The following POLR3G variants were observed in gnomAD, a reference collection of about 807,000 sequenced individuals.
POLR3G encodes the protein DNA-directed RNA polymerase III subunit RPC7.
POLR3G carries 28 observed loss-of-function variants against 30.1 expected under a neutral mutation model. That is an observed-to-expected ratio of 0.93 (90% CI 0.69 to 1.27). The LOEUF is 1.27. Ranked by LOEUF, POLR3G falls within the 50% of genes most tolerant of loss-of-function variation. The pLI, the probability that POLR3G is intolerant of heterozygous loss-of-function variation, is 0.00. For synonymous variants in POLR3G, 79 were observed against 82.5 expected, an observed-to-expected ratio of 0.96 and a Z score of 0.23; for missense variants, 254 against 264.6, an observed-to-expected ratio of 0.96 and a Z score of 0.28.
At chr5:90,509,825 T>C (rs561976369) in intron 7 of POLR3G, among the ~76,000 whole-genome samples, 1 of 152,228 alleles carries the variant, frequency 6.6e-6, no homozygotes, top group Admixed American at 6.5e-5. Context: ...ATTAAGGACT[T>C]TGAATGTCAA....
rs759375336 is a variant in POLR3G, at chr5:90,485,577, A to C, written c.10A>C (p.Asn4His). 2.0e-5 allele frequency: 32 copies of C among 1,612,766 alleles called. No individual in the cohort carries two copies. The Admixed American group carries it at 4.5e-4, about 23-fold the overall frequency. Reference protein sequence around the residue: MAGNKGRGRAAYTF... With the variant: MAGHKGRGRAAYTF... ...GGTATAACTGGTTCTGATGGCTGGG[A>C]ATAAAGGAAGAGGACGTGCTGCTTA... The change falls in exon 2 of 8, where the codon AAT becomes CAT. Residue 4 changes from asparagine (N) to histidine (H), a missense_variant. Coordinates refer to ENST00000651687, the MANE Select transcript of POLR3G (RefSeq NM_006467.3).
chr5:90,506,084 C>T (rs992027480), intron 6 of POLR3G, among the ~76,000 whole-genome samples: 1 of 151,808 alleles, frequency 6.6e-6, no homozygotes, highest in African/African-American at 2.4e-5. Context: ...AAAAAATTAG[C>T]CAGGCTTGGT....
At chr5:90,474,478 C>T (rs1169793070), upstream of POLR3G, 26 of 605,122 alleles carry the variant, frequency 4.3e-5, no homozygotes, top group Admixed American at 3.7e-4. Flanking sequence ...ACCGACGCTG[C>T]CCGTAGCGTG....
intron 7 of POLR3G, among the ~76,000 whole-genome samples, chr5:90,509,487 T>C (rs575505526): frequency 1.3e-5 from 2 of 152,322 alleles, no homozygotes; most frequent in South Asian, 4.1e-4. Flanking sequence ...TAACAGTTAA[T>C]ATACAGTGAA....
Position 90,506,626 on chromosome 5 carries a change from CGAT to C in POLR3G, c.542_544del (p.Asp181del). ...GTAAAGAAGGTGATGATGACGATGA[CGAT>C]GATGCCGCAGAACAGGAGGAATATG... On this transcript the variant is annotated inframe_deletion, in exon 7 of 8. Transcript: ENST00000651687. The C allele has an allele frequency of 3.1e-6, 5 of 1,612,840 alleles. No homozygotes were observed. The highest frequency in any genetic ancestry group is 4.2e-6 in the Non-Finnish European group (5 of 1,179,312).
chr5:90,511,225 G>C (rs781610279), intron 7 of POLR3G, among the ~76,000 whole-genome samples: 33 of 152,000 alleles, frequency 2.2e-4, no homozygotes, highest in Non-Finnish European at 4.1e-4. Context: ...CAAAAATAAG[G>C]GCTCTTTAAC....
intron 1 of POLR3G, among the ~76,000 whole-genome samples, chr5:90,478,569 C>CTTGTTTTTTTTTTTTTTTTTT (rs1750957361): frequency 1.3e-5 from 1 of 79,334 alleles, no homozygotes; most frequent in Non-Finnish European, 2.3e-5. Context: ...CTGCGTGGTT[C>CTTGTTTTTTTTTTTTTTTTTT]TTTTTTTTTT....
chr5:90,508,529 A>G (rs1752595624), intron 7 of POLR3G, among the ~76,000 whole-genome samples: 1 of 151,526 alleles, frequency 6.6e-6, no homozygotes, highest in African/African-American at 2.4e-5. Flanking sequence ...TGTTGTCCAC[A>G]TTCTCCCTCA....
Position 90,488,058 on chromosome 5 carries a change from CT to C in POLR3G, c.179del (p.Leu60Ter). The C allele has an allele frequency of 6.2e-7, 1 of 1,611,808 alleles. No individual in the cohort carries two copies. Among genetic ancestry groups the C allele is most frequent in the South Asian group, 1.1e-5 (1 of 90,746 alleles). On this transcript the variant is annotated frameshift_variant, in exon 3 of 8. Transcript: ENST00000651687. LOFTEE classifies it high-confidence loss of function. ...GGAGAAGGTGAAGAATATATGCTGGCTTTGAAACAGGAGTTGAGAGAAACAA... is the reference window on the plus strand; with the variant it reads ...GGAGAAGGTGAAGAATATATGCTGGCTTGAAACAGGAGTTGAGAGAAACAA... Reference protein sequence around the residue: ...KTGEGEEYMLALKQELRETMK... With the variant: ...KTGEGEEYMLXLKQELRETMK...
chr5:90,514,399 G>A lies in POLR3G; in HGVS notation c.*2260G>A, dbSNP rs1752872166. ...ATTAAATTCTTACAAAACAAAATGTGTTCGTTTGTTTTATAGTAAGATGTT... is the reference window on the plus strand; with the variant it reads ...ATTAAATTCTTACAAAACAAAATGTATTCGTTTGTTTTATAGTAAGATGTT... On this transcript the variant is annotated 3_prime_UTR_variant, in exon 8 of 8. Transcript: ENST00000651687. 6.6e-6 allele frequency: 1 copy of A among 152,130 alleles called. No individual in the cohort carries two copies. The highest frequency in any genetic ancestry group is 1.5e-5 in the Non-Finnish European group (1 of 68,014). 9.4% of individuals were successfully genotyped at this position (152,130 alleles called of 1,614,324 possible).
chr5:90,509,895 G>A (rs1476206187), intron 7 of POLR3G, among the ~76,000 whole-genome samples: 1 of 152,100 alleles, frequency 6.6e-6, no homozygotes, highest in Non-Finnish European at 1.5e-5. Flanking sequence ...TTTAAACAGT[G>A]GAATGGTATA....
intron 1 of POLR3G, among the ~76,000 whole-genome samples, chr5:90,484,800 T>G (rs932552169): frequency 9.2e-5 from 14 of 152,316 alleles, no homozygotes; most frequent in Non-Finnish European, 1.5e-4. Flanking sequence ...GAATGTGCAT[T>G]ATAATCATCA....
chr5:90,482,047 A>C (rs2151900086), intron 1 of POLR3G, among the ~76,000 whole-genome samples: 1 of 152,322 alleles, frequency 6.6e-6, no homozygotes, highest in Non-Finnish European at 1.5e-5. Context: ...GTATTAGTAA[A>C]CCAAAAAAGG....
intron 1 of POLR3G, 61 bp from the exon 2 acceptor site, chr5:90,485,464 T>G (rs1019946750): frequency 1.1e-5 from 9 of 786,688 alleles, no homozygotes; most frequent in Non-Finnish European, 1.9e-5. Context: ...AGTTTTATAT[T>G]TTGCTTTAAA....
intron 1 of POLR3G, among the ~76,000 whole-genome samples, chr5:90,482,151 T>G (rs1202286018): frequency 6.6e-6 from 1 of 152,184 alleles, no homozygotes; most frequent in Admixed American, 6.5e-5. Context: ...TATGGAGGCC[T>G]GCAGGGATAA....
At position 90,514,384 on chromosome 5, in the gene POLR3G, T is replaced by A. The variant is rs1752870796; in HGVS notation, c.*2245T>A. The A allele has an allele frequency of 6.6e-6, 1 of 152,272 alleles. No individual in the cohort carries two copies. The highest frequency in any genetic ancestry group is 1.5e-5 in the Non-Finnish European group (1 of 68,050). 9.4% of individuals were successfully genotyped at this position (152,272 alleles called of 1,614,324 possible). On this transcript the variant is annotated 3_prime_UTR_variant, in exon 8 of 8. Transcript: ENST00000651687. ...TGTATTTATTTACACATTAAATTCT[T>A]ACAAAACAAAATGTGTTCGTTTGTT...
chr5:90,480,702 T>G lies in POLR3G; in HGVS notation c.-43-4823T>G, dbSNP rs1469173959. The stretch of plus-strand genomic sequence containing the variant: ...TATGTTTAGCAGGTCCTCCAGTTAA[T>G]TTTCATGATGAGGAAAGTCTGGTAA... On this transcript the variant is annotated intron_variant, in intron 1 of 7. Transcript: ENST00000651687. 2.0e-5 allele frequency among the ~76,000 whole-genome samples: 3 copies of G among 152,140 alleles called. 1 individual carries two copies. In the South Asian group the frequency reaches 6.2e-4, roughly 31 times the overall value.
intron 7 of POLR3G, among the ~76,000 whole-genome samples, chr5:90,509,810 A>C (rs1752651649): frequency 6.6e-6 from 1 of 152,168 alleles, no homozygotes; most frequent in Non-Finnish European, 1.5e-5. Flanking sequence ...AGAGATGAGC[A>C]GGTCATTAAG....
chr5:90,507,428 C>A (rs1478716281), intron 7 of POLR3G, among the ~76,000 whole-genome samples: 1 of 152,096 alleles, frequency 6.6e-6, no homozygotes, highest in African/African-American at 2.4e-5. Flanking sequence ...ATTTGGTATT[C>A]TTTTGAAATT....
Sources: gnomAD v4.1 joint callset for allele counts (sites outside exome capture counted in the v4.1 genomes callset) on GRCh38, gnomAD v4.1.1 for gene constraint, MANE v1.5 for transcripts, NCBI Gene and HGNC (gene_info 2026-07-23, HGNC 2026-07-21) for gene names.